Variants in THAP10 observed in about 807,000 individuals in gnomAD.
The protein encoded by THAP10 is THAP domain-containing protein 10.
A neutral mutation model predicts 15.7 loss-of-function variants in THAP10; 10 were observed. The observed-to-expected ratio is 0.64, with a 90% confidence interval of 0.39 to 1.08. The LOEUF (loss-of-function observed/expected upper bound fraction) is 1.08, where lower values mean the gene tolerates loss of function less well. Ranked by LOEUF, THAP10 falls within the 50% of genes least tolerant of loss-of-function variation. THAP10 has a pLI of 0.01. For synonymous variants in THAP10, 127 were observed against 129.1 expected, an observed-to-expected ratio of 0.98 and a Z score of 0.11; for missense variants, 310 against 330.9, an observed-to-expected ratio of 0.94 and a Z score of 0.49.
intron 1 of THAP10, 51 bp downstream of exon 1, chr15:70,891,793 C>A: frequency 6.9e-7 from 1 of 1,452,708 alleles, no homozygotes; most frequent in Non-Finnish European, 9.1e-7. Flanking sequence ...AGTGGAGGAG[C>A]CCAGCCAGAG....
Position 70,892,309 on chromosome 15 carries a change from G to T in THAP10, c.-37C>A. 6.4e-7 allele frequency: 1 copy of T among 1,550,740 alleles called. No homozygotes were observed. The highest frequency in any genetic ancestry group is 8.7e-7 in the Non-Finnish European group (1 of 1,147,200). On this transcript the variant is annotated 5_prime_UTR_variant, in exon 1 of 3. Transcript: ENST00000249861. ...TCGGTGCGCGGGAGCCGGGTTCCCT[G>T]GACCTTCGCCCTTGGGCACGCTCCT...
intron 1 of THAP10, among the ~76,000 whole-genome samples, chr15:70,890,146 GCTTTT>G (rs2033514278): frequency 6.6e-6 from 1 of 152,110 alleles, no homozygotes; most frequent in South Asian, 2.1e-4. Context: ...GACTAGCTTG[GCTTTT>G]CTTCTCCCAA....
intron 1 of THAP10, 150 bp downstream of exon 1, chr15:70,891,694 T>C: frequency 1.5e-6 from 1 of 675,482 alleles, no homozygotes; most frequent in Non-Finnish European, 2.4e-6. Flanking sequence ...AAGTGGGACC[T>C]TGGAGATCAC....
At position 70,892,321 on chromosome 15, in the gene THAP10, T is replaced by G. The variant is rs749872519; in HGVS notation, c.-49A>C. The G allele has an allele frequency of 5.6e-5, 87 of 1,549,912 alleles. No individual in the cohort carries two copies. The South Asian group carries it at 7.8e-4, about 14-fold the overall frequency. On this transcript the variant is annotated 5_prime_UTR_variant, in exon 1 of 3. Coordinates refer to ENST00000249861, the MANE Select transcript of THAP10 (RefSeq NM_020147.4). Reference sequence around the variant, plus strand: ...AGCCGGGTTCCCTGGACCTTCGCCCTTGGGCACGCTCCTCGCAGCGGCCTC... The same window carrying G: ...AGCCGGGTTCCCTGGACCTTCGCCCGTGGGCACGCTCCTCGCAGCGGCCTC...
intron 1 of THAP10, 93 bp downstream of exon 1, chr15:70,891,751 C>T: frequency 1.7e-6 from 2 of 1,183,832 alleles, no homozygotes; most frequent in Non-Finnish European, 1.2e-6. Flanking sequence ...CAGGAACTTT[C>T]GAGATGAGGT....
Position 70,892,290 on chromosome 15 carries a change from C to T in THAP10, c.-18G>A, listed in dbSNP as rs552409360. ...GCCGGCATGGCGGCCGTCTTCGGTG[C>T]GCGGGAGCCGGGTTCCCTGGACCTT... On this transcript the variant is annotated 5_prime_UTR_variant, in exon 1 of 3. Transcript: ENST00000249861. 71 of 1,552,802 alleles carry T rather than the reference C, an allele frequency of 4.6e-5. No homozygotes were observed. The highest frequency in any genetic ancestry group is 3.4e-4 in the Middle Eastern group (2 of 5,918).
In THAP10 at chr15:70,882,578, G is replaced by C. The variant is rs2033290256; in HGVS notation, c.650C>G (p.Ser217Cys). The C allele has an allele frequency of 6.2e-7, 1 of 1,613,758 alleles. No homozygotes were observed. Among genetic ancestry groups the C allele is most frequent in the Non-Finnish European group, 8.5e-7 (1 of 1,179,692 alleles). ...AATGTCAAAGAGAGAGGAAGTTCTA[G>C]ACCACAATTCCTCTGTCTGAGTAGT... is the stretch of plus-strand genomic sequence containing the variant. ...NATTQTEELW[S>C]RTSSLFDIYS... Residue 217 changes from serine (S) to cysteine (C), a missense_variant, in exon 3 of 3, where the codon TCT becomes TGT. Transcript: ENST00000249861.
chr15:70,883,244 C>T (rs1274540560), intron 1 of THAP10, among the ~76,000 whole-genome samples: 2 of 151,216 alleles, frequency 1.3e-5, no homozygotes, highest in East Asian at 1.9e-4. Flanking sequence ...CAAGCTGGAG[C>T]GCAATGGTGC....
Position 70,882,589 on chromosome 15 carries a change from CTCTG to C in THAP10, c.635_638del (p.Thr212ArgfsTer40). ...GAGAGGAAGTTCTAGACCACAATTCCTCTGTCTGAGTAGTTGCATTACACAGTCT... is the reference window on the plus strand; with the variant it reads ...GAGAGGAAGTTCTAGACCACAATTCCTCTGAGTAGTTGCATTACACAGTCT... On this transcript the variant is annotated frameshift_variant, in exon 3 of 3. Coordinates refer to ENST00000249861, the MANE Select transcript of THAP10 (RefSeq NM_020147.4). LOFTEE classifies it low-confidence loss of function (END_TRUNC). The C allele has an allele frequency of 6.2e-7, 1 of 1,614,018 alleles. No individual in the cohort carries two copies. The highest frequency in any genetic ancestry group is 8.5e-7 in the Non-Finnish European group (1 of 1,179,938).
rs2033263022 is a variant in THAP10 at position 70,881,498 on chromosome 15, ATATTTATT to A, written c.*948_*955del. The A allele has an allele frequency of 6.6e-6, 1 of 152,154 alleles. No individual in the cohort carries two copies. The highest frequency in any genetic ancestry group is 6.5e-5 in the Admixed American group (1 of 15,278). 9.4% of individuals were successfully genotyped at this position (152,154 alleles called of 1,614,324 possible). ...AGAAGACATATGAGGTGTAAAATTG[ATATTTATT>A]TTTGTTATTCTCAATGGAAGATCAG... On this transcript the variant is annotated 3_prime_UTR_variant, in exon 3 of 3. Transcript: ENST00000249861.
chr15:70,881,815 T>G lies in THAP10; in HGVS notation c.*639A>C, dbSNP rs2033271138. ...CAGTAAGCACTGATGCAAACAGATT[T>G]CATTAATAAGTTAATGTAAGTATAT... On this transcript the variant is annotated 3_prime_UTR_variant, in exon 3 of 3. Coordinates refer to ENST00000249861, the MANE Select transcript of THAP10 (RefSeq NM_020147.4). 1.3e-5 allele frequency: 2 copies of G among 152,244 alleles called. No homozygotes were observed. Among genetic ancestry groups the G allele is most frequent in the South Asian group, 4.1e-4 (2 of 4,838 alleles). 9.4% of individuals were successfully genotyped at this position (152,244 alleles called of 1,614,324 possible). A position where few individuals can be genotyped will look rare whatever the true frequency, so the allele number is the denominator to read the frequency against.
At chr15:70,891,148 G>A (rs2033548414) in intron 1 of THAP10, among the ~76,000 whole-genome samples, 2 of 152,164 alleles carry the variant, frequency 1.3e-5, no homozygotes, top group Admixed American at 6.5e-5. Flanking sequence ...TCACAAGGAA[G>A]GCTGGAAAGT....
chr15:70,889,465 G>C (rs969943936), intron 1 of THAP10, among the ~76,000 whole-genome samples: 1 of 152,116 alleles, frequency 6.6e-6, no homozygotes. Context: ...CTGTTTCTTT[G>C]ACTTGGGTTG....
At chr15:70,885,117 C>T (rs1045344229) in intron 1 of THAP10, among the ~76,000 whole-genome samples, 9 of 148,232 alleles carry the variant, frequency 6.1e-5, no homozygotes, top group Middle Eastern at 3.4e-3. Flanking sequence ...TGTAGATATC[C>T]GATTGCTTCT....
intron 1 of THAP10, among the ~76,000 whole-genome samples, chr15:70,884,111 G>A (rs1022084771): frequency 6.6e-6 from 1 of 152,122 alleles, no homozygotes; most frequent in Admixed American, 6.6e-5. Flanking sequence ...TGGGAGGAGA[G>A]AAAGTAAGTG....
chr15:70,888,450 A>AATAAAAGATGCTGAGTCAAC (rs1201259671), intron 1 of THAP10, among the ~76,000 whole-genome samples: 1 of 152,196 alleles, frequency 6.6e-6, no homozygotes, highest in African/African-American at 2.4e-5. Flanking sequence ...ATGCTGAGTC[A>AATAAAAGATGCTGAGTCAAC]AATGGGTATC....
intron 1 of THAP10, among the ~76,000 whole-genome samples, chr15:70,886,565 A>C (rs932020883): frequency 4.6e-5 from 7 of 152,188 alleles, no homozygotes; most frequent in Middle Eastern, 3.2e-3. Context: ...CTTTGGAAAG[A>C]CTAATAAAAA....
In THAP10 at chr15:70,891,887, G is replaced by C. The variant is rs749661444; in HGVS notation, c.386C>G (p.Ser129Cys). Residue 129 changes from serine (S) to cysteine (C), a missense_variant, in exon 1 of 3, where the codon TCC (serine) becomes TGC (cysteine). Coordinates refer to ENST00000249861, the MANE Select transcript of THAP10 (RefSeq NM_020147.4). Reference sequence around the variant, plus strand: ...CTTCCCAGCTCGGGGGCGTGTACAGGAGACTGGACCTGGGGCAGCCTCAGA... The same window carrying C: ...CTTCCCAGCTCGGGGGCGTGTACAGCAGACTGGACCTGGGGCAGCCTCAGA... Reference protein sequence around the residue: ...RHSEAAPGPVSCTRPRAGKQA... With the variant: ...RHSEAAPGPVCCTRPRAGKQA... 2 of 1,612,404 alleles carry C rather than the reference G, an allele frequency of 1.2e-6. No homozygotes were observed. Among genetic ancestry groups the C allele is most frequent in the Non-Finnish European group, 1.7e-6 (2 of 1,179,636 alleles).
chr15:70,891,567 C>CTCTG (rs1229520079), intron 1 of THAP10, among the ~76,000 whole-genome samples: 1 of 137,050 alleles, frequency 7.3e-6, no homozygotes, highest in Admixed American at 7.6e-5. Flanking sequence ...GGACAAGACT[C>CTCTG]TGTGTGTGTG....
Sources: gnomAD v4.1 joint callset for allele counts (sites outside exome capture counted in the v4.1 genomes callset) on GRCh38, gnomAD v4.1.1 for gene constraint, MANE v1.5 for transcripts, NCBI Gene and HGNC (gene_info 2026-07-23, HGNC 2026-07-21) for gene names.